The following CPM variants were observed in gnomAD, a reference collection of about 807,000 sequenced individuals.
CPM encodes the protein renal carboxypeptidase.
Under a neutral mutation model 46.4 loss-of-function variants are expected in CPM, and 35 were observed. The observed-to-expected ratio is 0.75, with a 90% CI of 0.58 to 1.00. The LOEUF (loss-of-function observed/expected upper bound fraction) is 1.00, where lower values mean the gene tolerates loss of function less well. CPM is among the 50% of genes least tolerant of loss of function. CPM has a pLI of 0.00. For synonymous variants in CPM, 195 were observed against 195.3 expected (o/e 1.00, Z 0.01); for missense variants, 422 against 530.4 (o/e 0.80, Z 2.01).
intron 2 of CPM, among the ~76,000 whole-genome samples, chr12:68,899,999 A>G (rs1211630969): frequency 6.6e-6 from 1 of 152,192 alleles, no homozygotes; most frequent in Non-Finnish European, 1.5e-5. Flanking sequence ...ATAATGTGTG[A>G]GTGCTTATTT....
intron 1 of CPM, among the ~76,000 whole-genome samples, chr12:68,941,439 T>G (rs1240675805): frequency 3.9e-5 from 6 of 152,050 alleles, no homozygotes; most frequent in African/African-American, 7.3e-5. Flanking sequence ...AGTGACGTGA[T>G]CACAGCTCAC....
At chr12:68,934,098 T>TCTCTCCCCTCCCC (rs1888621433), upstream of CPM, among the ~76,000 whole-genome samples, 1 of 151,918 alleles carries the variant, frequency 6.6e-6, no homozygotes, top group Non-Finnish European at 1.5e-5. Context: ...TCATTCTCTC[T>TCTCTCCCCTCCCC]CTCTCCCCTC....
chr12:68,924,351 A>C (rs1048799429), intron 2 of CPM, among the ~76,000 whole-genome samples: 15 of 151,904 alleles, frequency 9.9e-5, no homozygotes, highest in Admixed American at 3.3e-4. Flanking sequence ...GCCAGGCGCA[A>C]TGGTGGGTGC....
chr12:68,936,028 G>A (rs950428538), upstream of CPM, among the ~76,000 whole-genome samples: 2 of 152,132 alleles, frequency 1.3e-5, no homozygotes, highest in East Asian at 1.9e-4. Flanking sequence ...TTCACACTAG[G>A]TAGGAAGGGA....
rs577632603 is a variant in CPM at position 68,952,472 on chromosome 12, C to G, written c.-4+10697G>C. ...GGACGGGCTACATGATCTGTGGGAC[C>G]CAGTGCAAAATGAAATTATTAAAAA... On this transcript the variant is annotated intron_variant, in intron 1 of 8. Transcript: ENST00000546373. Among the ~76,000 whole-genome samples the G allele has an allele frequency of 1.9e-3, 283 of 152,252 alleles. 4 individuals are homozygous for G. The South Asian group carries it at 0.019, about 10-fold the overall frequency.
chr12:68,859,145 A>T, intron 7 of CPM, 74 bp from the exon 8 acceptor site: 2 of 816,748 alleles, frequency 2.4e-6, no homozygotes, highest in South Asian at 9.9e-5. Context: ...AATATTTAAG[A>T]ACAATATATG....
At chr12:68,906,680 C>T (rs560358651) in intron 2 of CPM, among the ~76,000 whole-genome samples, 11 of 152,156 alleles carry the variant, frequency 7.2e-5, no homozygotes, top group South Asian at 2.1e-4. Context: ...TTAGTAGAGA[C>T]GGGTTTTCAC....
chr12:68,844,840 C>T (rs987896305), intron 5 of CPM: 2 of 201,890 alleles, frequency 9.9e-6, no homozygotes, highest in Non-Finnish European at 2.0e-5. Flanking sequence ...AATCTTGGCT[C>T]ACTGCAACCT....
At chr12:68,962,406 C>T (rs761103589) in intron 1 of CPM, among the ~76,000 whole-genome samples, 2 of 152,128 alleles carry the variant, frequency 1.3e-5, no homozygotes, top group African/African-American at 2.4e-5. Context: ...CTCCTGCTCG[C>T]CTCCTGTCTC....
intron 2 of CPM, among the ~76,000 whole-genome samples, chr12:68,905,826 C>T (rs1308605547): frequency 1.3e-5 from 2 of 152,018 alleles, no homozygotes; most frequent in African/African-American, 2.4e-5. Flanking sequence ...AAAGTGAGTC[C>T]CTGTGTCCAC....
At chr12:68,874,155 C>G (rs1647513324) in intron 3 of CPM, among the ~76,000 whole-genome samples, 1 of 152,058 alleles carries the variant, frequency 6.6e-6, no homozygotes, top group Admixed American at 6.6e-5. Context: ...TCCTTACAAG[C>G]TAATAACCAA....
At chr12:68,955,331 A>C (rs879346749) in intron 1 of CPM, among the ~76,000 whole-genome samples, 1 of 152,228 alleles carries the variant, frequency 6.6e-6, no homozygotes, top group Non-Finnish European at 1.5e-5. Context: ...AGTACTCAGC[A>C]TGCTGCCTGG....
chr12:68,958,850 A>G (rs1337256580), intron 1 of CPM, among the ~76,000 whole-genome samples: 2 of 152,176 alleles, frequency 1.3e-5, no homozygotes, highest in Non-Finnish European at 2.9e-5. Flanking sequence ...ACACTATGTT[A>G]TAGCCACACG....
intron 8 of CPM, among the ~76,000 whole-genome samples, chr12:68,858,521 A>G (rs1246294857): frequency 6.6e-6 from 1 of 152,188 alleles, no homozygotes; most frequent in African/African-American, 2.4e-5. Flanking sequence ...AATTCTAAGG[A>G]ACTTTATCCA....
chr12:68,873,063 C>T (rs1434392906), intron 3 of CPM, among the ~76,000 whole-genome samples: 1 of 152,098 alleles, frequency 6.6e-6, no homozygotes, highest in African/African-American at 2.4e-5. Flanking sequence ...TCAAATTCTC[C>T]CTATCATTTT....
chr12:68,943,731 T>G (rs1261423732), intron 1 of CPM, among the ~76,000 whole-genome samples: 1 of 152,208 alleles, frequency 6.6e-6, no homozygotes, highest in Admixed American at 6.5e-5. Flanking sequence ...CTGCATTTAA[T>G]CTGGATTGTG....
At chr12:68,933,280 C>G (rs879598532), upstream of CPM, 1 of 151,690 alleles carries the variant, frequency 6.6e-6, no homozygotes, top group Non-Finnish European at 1.5e-5. Context: ...CGGGTGCCTC[C>G]CGGGCGGGGC....
intron 3 of CPM, among the ~76,000 whole-genome samples, chr12:68,879,810 C>A (rs1045723722): frequency 6.6e-6 from 1 of 152,082 alleles, no homozygotes; most frequent in Admixed American, 6.5e-5. Flanking sequence ...AGAAGATAAG[C>A]ACAAAACAAA....
intron 3 of CPM, among the ~76,000 whole-genome samples, chr12:68,881,347 C>CT (rs1886180760): frequency 6.6e-6 from 1 of 152,166 alleles, no homozygotes; most frequent in Non-Finnish European, 1.5e-5. Flanking sequence ...GGCTCTTTAT[C>CT]AAGCCTAGTA....
Sources: allele counts gnomAD v4.1 joint callset (sites outside exome capture counted in the v4.1 genomes callset), GRCh38; gene constraint gnomAD v4.1.1; transcripts MANE v1.5; gene names NCBI Gene and HGNC (gene_info 2026-07-23, HGNC 2026-07-21).